Variants in DAB1 observed in about 807,000 individuals in gnomAD.
DAB1 encodes the protein DAB adaptor protein 1.
Under a neutral mutation model 64.6 loss-of-function variants are expected in DAB1, and 15 were observed. The ratio of observed to expected loss-of-function variants is 0.23; its 90% CI spans 0.16 to 0.36. The LOEUF (loss-of-function observed/expected upper bound fraction) is 0.36. Among genes scored for constraint, DAB1 ranks in the 10% least tolerant of loss-of-function variants. The probability of loss-of-function intolerance (pLI) is 1.00; values close to 1 mark genes in which losing one functional copy is unlikely to be tolerated. For synonymous variants in DAB1, 235 were observed against 251.9 expected (o/e 0.93, Z 0.64); for missense variants, 596 against 706.7 (o/e 0.84, Z 1.78).
chr1:58,084,776 A>G (rs1650201141), intron 5 of DAB1, among the ~76,000 whole-genome samples: 1 of 149,238 alleles, frequency 6.7e-6, no homozygotes, highest in African/African-American at 2.4e-5. Context: ...TATATTACAT[A>G]TTATATATAT....
intron 4 of DAB1, among the ~76,000 whole-genome samples, chr1:58,194,884 G>A (rs1657588575): frequency 6.6e-6 from 1 of 152,200 alleles, no homozygotes; most frequent in Non-Finnish European, 1.5e-5. Flanking sequence ...TCCAGGCACA[G>A]CCTGGAATAC....
chr1:57,743,129 T>C (rs1648082159), intron 6 of DAB1, among the ~76,000 whole-genome samples: 2 of 152,154 alleles, frequency 1.3e-5, no homozygotes, highest in Non-Finnish European at 2.9e-5. Flanking sequence ...TCAGAAAGGG[T>C]ACTGTCAGGC....
In DAB1 at chr1:58,266,847, C is replaced by A. The variant is rs527851372; in HGVS notation, n.309+76505G>T. Among the ~76,000 whole-genome samples, 5 of 152,280 alleles carry A rather than the reference C, an allele frequency of 3.3e-5. No homozygotes were observed. The South Asian group carries it at 1.0e-3, about 32-fold the overall frequency. On this transcript the variant is annotated intron_variant and non_coding_transcript_variant, in intron 4 of 20. Transcript: ENST00000485760. Reference sequence around the variant, plus strand: ...CCAAAGAAGATATACAAATGTCTAACAAGCTGTAGTCCGTACTCTTACTGT... The same window carrying A: ...CCAAAGAAGATATACAAATGTCTAAAAAGCTGTAGTCCGTACTCTTACTGT...
At chr1:57,375,897 C>T (rs1159380988) in intron 1 of DAB1, among the ~76,000 whole-genome samples, 1 of 152,152 alleles carries the variant, frequency 6.6e-6, no homozygotes, top group African/African-American at 2.4e-5. Flanking sequence ...TGTGTATTGC[C>T]TTCCATGAGC....
chr1:57,996,306 T>G (rs1202080454), intron 5 of DAB1, among the ~76,000 whole-genome samples: 1 of 152,124 alleles, frequency 6.6e-6, no homozygotes, highest in South Asian at 2.1e-4. Flanking sequence ...AGAATTGTGA[T>G]GAGAATTAAA....
intron 1 of DAB1, among the ~76,000 whole-genome samples, chr1:57,341,906 G>A (rs71642113): frequency 0.027 from 4,075 of 152,254 alleles, 74 homozygotes; most frequent in South Asian, 0.052. Flanking sequence ...CCTAGGTGAT[G>A]CCATCTGTCA....
intron 6 of DAB1, among the ~76,000 whole-genome samples, chr1:57,732,421 C>G (rs753307405): frequency 3.9e-5 from 6 of 152,094 alleles, no homozygotes; most frequent in Non-Finnish European, 7.4e-5. Context: ...CCTGAGCAGG[C>G]GGAGAGAGGC....
intron 5 of DAB1, chr1:58,047,830 A>C (rs1647341855): frequency 4.1e-6 from 1 of 243,810 alleles, no homozygotes; most frequent in African/African-American, 2.3e-5. Context: ...AAACATAAAT[A>C]ACCTGAACTA....
intron 5 of DAB1, among the ~76,000 whole-genome samples, chr1:57,938,609 C>A (rs544568458): frequency 6.6e-6 from 1 of 152,288 alleles, no homozygotes; most frequent in South Asian, 2.1e-4. Flanking sequence ...TTTCCTGAGG[C>A]CTCCCCAACC....
In DAB1 at chr1:57,015,095, C is replaced by T. The variant is rs971285349; in HGVS notation, c.1232G>A (p.Gly411Asp). 5 of 1,614,170 alleles carry T rather than the reference C, an allele frequency of 3.1e-6. No individual in the cohort carries two copies. Among genetic ancestry groups the T allele is most frequent in the African/African-American group, 1.3e-5 (1 of 75,036 alleles). The change falls in exon 12 of 15, where the codon GGC becomes GAC. Residue 411 changes from glycine (G) to aspartate (D), a missense_variant. Physicochemically the swap from Gly to Asp is moderately conservative, Grantham distance 94. Around this residue, in one of 3 missense-constraint regions of DAB1, gnomAD observed 377 missense variants for 400.4 expected, o/e 0.94. Transcript: ENST00000371236. ...PQTDKPRQKM[G>D]KETFKDFQMA... is the part of the protein sequence containing the mutation. ...CTGGAAATCCTTAAACGTTTCTTTGCCCATTTTCTGCCTGGGCTTGTCGGT... is the reference window on the plus strand; with the variant it reads ...CTGGAAATCCTTAAACGTTTCTTTGTCCATTTTCTGCCTGGGCTTGTCGGT...
At chr1:57,963,730 G>A (rs1645583401) in intron 5 of DAB1, among the ~76,000 whole-genome samples, 1 of 151,520 alleles carries the variant, frequency 6.6e-6, no homozygotes, top group Non-Finnish European at 1.5e-5. Context: ...CTGGGAAGAG[G>A]TGCTGTAACT....
intron 2 of DAB1, among the ~76,000 whole-genome samples, chr1:57,157,234 G>T (rs1164309342): frequency 1.3e-5 from 2 of 151,962 alleles, no homozygotes; most frequent in Non-Finnish European, 2.9e-5. Flanking sequence ...GGTCATTCTG[G>T]CTGTGAATTC....
intron 1 of DAB1, among the ~76,000 whole-genome samples, chr1:57,875,657 A>T (rs967719497): frequency 6.6e-6 from 1 of 152,222 alleles, no homozygotes; most frequent in Non-Finnish European, 1.5e-5. Context: ...AATTAAGCAC[A>T]TAGCAGGTAC....
chr1:58,147,512 A>G (rs1341971560), intron 5 of DAB1, among the ~76,000 whole-genome samples: 1 of 151,054 alleles, frequency 6.6e-6, no homozygotes, highest in East Asian at 2.0e-4. Flanking sequence ...CAGCTACTCG[A>G]GGCTGAGGCA....
chr1:58,241,238 C>CT (rs900644421), intron 4 of DAB1, among the ~76,000 whole-genome samples: 2 of 152,084 alleles, frequency 1.3e-5, no homozygotes, highest in Non-Finnish European at 2.9e-5. Flanking sequence ...CATCTTGAAA[C>CT]TTTTTTTATT....
intron 7 of DAB1, among the ~76,000 whole-genome samples, chr1:57,589,422 T>C (rs1645417891): frequency 6.6e-6 from 1 of 152,112 alleles, no homozygotes; most frequent in South Asian, 2.1e-4. Flanking sequence ...ATATATTTGA[T>C]ATATAAAGAG....
At chr1:57,007,130 A>G (rs1371021477) in intron 14 of DAB1, among the ~76,000 whole-genome samples, 3 of 152,068 alleles carry the variant, frequency 2.0e-5, no homozygotes, top group Non-Finnish European at 4.4e-5. Flanking sequence ...CCATCAGGTA[A>G]TATGTTATAT....
chr1:57,085,454 A>T (rs1433849671), intron 4 of DAB1, among the ~76,000 whole-genome samples: 1 of 152,182 alleles, frequency 6.6e-6, no homozygotes, highest in Non-Finnish European at 1.5e-5. Flanking sequence ...CCCAGCTCTG[A>T]TGTGCCCCCA....
intron 7 of DAB1, among the ~76,000 whole-genome samples, chr1:57,642,483 C>G (rs1558568775): frequency 6.6e-6 from 1 of 152,196 alleles, no homozygotes; most frequent in Non-Finnish European, 1.5e-5. Context: ...CCCCTCTACT[C>G]TACCTCTTTG....
Sources: allele counts gnomAD v4.1 joint callset (sites outside exome capture counted in the v4.1 genomes callset), GRCh38; gene constraint gnomAD v4.1.1; regional missense constraint gnomAD v4.1.1; transcripts MANE v1.5; gene names NCBI Gene and HGNC (gene_info 2026-07-23, HGNC 2026-07-21).